The following CDH13 variants were observed in gnomAD, a reference collection of about 807,000 sequenced individuals.
The protein encoded by CDH13 is cadherin 13.
In CDH13, 24 loss-of-function variants were observed where a neutral mutation model predicts 63.8. That is an observed-to-expected ratio of 0.38 (90% CI 0.27 to 0.53). The LOEUF (loss-of-function observed/expected upper bound fraction) is 0.53, where lower values mean the gene tolerates loss of function less well. CDH13 is among the 20% of genes least tolerant of loss of function. The pLI is 0.85. For synonymous variants in CDH13, 503 were observed against 355.3 expected (o/e 1.42, Z -4.67); for missense variants, 1,049 against 903.1 (o/e 1.16, Z -2.07).
At chr16:83,568,799 C>T (rs1170809375) in intron 7 of CDH13, among the ~76,000 whole-genome samples, 1 of 152,144 alleles carries the variant, frequency 6.6e-6, no homozygotes, top group South Asian at 2.1e-4. Context: ...CAGAGCTCCT[C>T]GTGATCATCT....
intron 5 of CDH13, among the ~76,000 whole-genome samples, chr16:83,306,697 G>C (rs2089888047): frequency 6.6e-6 from 1 of 152,166 alleles, no homozygotes; most frequent in African/African-American, 2.4e-5. Context: ...ACTAGTGATA[G>C]GAGATTAGGC....
chr16:82,859,954 A>G (rs1030611720), intron 2 of CDH13, among the ~76,000 whole-genome samples: 22 of 152,184 alleles, frequency 1.4e-4, no homozygotes, highest in African/African-American at 4.8e-4. Context: ...GTGAATTCCA[A>G]TATGTGATTT....
chr16:83,495,588 C>G (rs1190878663), intron 7 of CDH13, among the ~76,000 whole-genome samples: 4 of 152,010 alleles, frequency 2.6e-5, no homozygotes. Context: ...TTTTTTCCCC[C>G]ATAAGAGACA....
Position 83,371,792 on chromosome 16 carries a change from A to T in CDH13, c.781+26786A>T, listed in dbSNP as rs576297378. Among the ~76,000 whole-genome samples the T allele has an allele frequency of 7.6e-4, 116 of 152,356 alleles. 1 individual carries two copies. The highest frequency in any genetic ancestry group is 1.1e-3 in the Non-Finnish European group (76 of 68,042). ...CAGAGTGGATAGTACCCCTGAATGG[A>T]CAGTGCTTCACGAGTCTTTTCTGGA... On this transcript the variant is annotated intron_variant, in intron 6 of 13. Coordinates refer to ENST00000567109, the MANE Select transcript of CDH13 (RefSeq NM_001257.5).
At chr16:82,751,090 C>T (rs192599223) in intron 1 of CDH13, among the ~76,000 whole-genome samples, 326 of 152,236 alleles carry the variant, frequency 2.1e-3, no homozygotes, top group Non-Finnish European at 3.4e-3. Context: ...CTATCCAGTT[C>T]CCTATTTAAT....
At chr16:83,378,698 T>G (rs2091501487) in intron 6 of CDH13, among the ~76,000 whole-genome samples, 1 of 152,178 alleles carries the variant, frequency 6.6e-6, no homozygotes, top group Non-Finnish European at 1.5e-5. Context: ...TGAGCCTTAG[T>G]TTCTTCCTCT....
chr16:82,830,663 C>G (rs2038494631), intron 1 of CDH13, among the ~76,000 whole-genome samples: 1 of 152,186 alleles, frequency 6.6e-6, no homozygotes, highest in African/African-American at 2.4e-5. Context: ...GTTTGACATG[C>G]CATGATGGCA....
At chr16:83,119,512 T>A (rs745744036) in intron 3 of CDH13, among the ~76,000 whole-genome samples, 3 of 152,192 alleles carry the variant, frequency 2.0e-5, no homozygotes, top group Non-Finnish European at 2.9e-5. Flanking sequence ...CAAGAGATCT[T>A]ATTACCTCCC....
At chr16:83,616,816 T>C (rs1909321984) in intron 8 of CDH13, among the ~76,000 whole-genome samples, 1 of 152,178 alleles carries the variant, frequency 6.6e-6, no homozygotes, top group Admixed American at 6.5e-5. Flanking sequence ...GATGCATACA[T>C]GGTTTCAAAC....
At chr16:83,062,961 C>T (rs1448303994) in intron 3 of CDH13, among the ~76,000 whole-genome samples, 1 of 109,522 alleles carries the variant, frequency 9.1e-6, no homozygotes, top group South Asian at 2.6e-4. Flanking sequence ...TGGTGGTTGG[C>T]ATTTTTTTTT....
intron 2 of CDH13, among the ~76,000 whole-genome samples, chr16:82,859,927 C>T (rs1237512064): frequency 6.6e-6 from 1 of 152,304 alleles, no homozygotes; most frequent in Admixed American, 6.5e-5. Flanking sequence ...TGACAAGGTG[C>T]AGGGCTGGCA....
At position 83,748,189 on chromosome 16, in the gene CDH13, C is replaced by A. The variant is rs368089344; in HGVS notation, c.1620C>A (p.Asp540Glu). ...CTGTTGACACCACAGCTGTGCTGGA[C>A]CGTGAGTCCCCATTTGTCGACAACA... ...NGTVDTTAVLDRESPFVDNSV... is the reference protein window; with the variant it reads ...NGTVDTTAVLERESPFVDNSV... Residue 540 changes from aspartate (D) to glutamate (E), a missense_variant, in exon 11 of 14, where the codon GAC becomes GAA. Physicochemically the swap from Asp to Glu is conservative, Grantham distance 45. Transcript: ENST00000567109. 2 of 1,613,818 alleles carry A rather than the reference C, an allele frequency of 1.2e-6. No homozygotes were observed. The highest frequency in any genetic ancestry group is 1.7e-6 in the Non-Finnish European group (2 of 1,179,734).
chr16:83,775,748 T>G (rs459212), intron 11 of CDH13, among the ~76,000 whole-genome samples: 130,558 of 152,016 alleles, frequency 0.86, 56,063 homozygotes, highest in Admixed American at 0.88. Context: ...AAGAAAGAAG[T>G]AAAAGAAAAG....
At chr16:83,131,396 C>T (rs1597388812) in intron 4 of CDH13, among the ~76,000 whole-genome samples, 1 of 152,176 alleles carries the variant, frequency 6.6e-6, no homozygotes, top group Non-Finnish European at 1.5e-5. Context: ...CATTTTTGAA[C>T]TCTAGACAGC....
intron 1 of CDH13, among the ~76,000 whole-genome samples, chr16:82,713,029 G>A (rs1384493297): frequency 6.9e-6 from 1 of 143,890 alleles, no homozygotes; most frequent in Admixed American, 7.4e-5. Context: ...CTTATGGAGT[G>A]AATAGAACCC....
intron 6 of CDH13, among the ~76,000 whole-genome samples, chr16:83,381,269 C>A (rs934008706): frequency 2.0e-5 from 3 of 152,064 alleles, no homozygotes; most frequent in African/African-American, 7.2e-5. Flanking sequence ...TAGCCTCCAC[C>A]AGTTCCTAAC....
At chr16:83,447,474 A>C (rs1000676141) in intron 6 of CDH13, among the ~76,000 whole-genome samples, 1 of 152,178 alleles carries the variant, frequency 6.6e-6, no homozygotes, top group Non-Finnish European at 1.5e-5. Context: ...GTGGATCAGG[A>C]CTGTGGAAAG....
At chr16:82,993,325 T>C (rs1007825788) in intron 2 of CDH13, among the ~76,000 whole-genome samples, 1 of 152,172 alleles carries the variant, frequency 6.6e-6, no homozygotes, top group Non-Finnish European at 1.5e-5. Flanking sequence ...CAGAGAACGT[T>C]CTACATCATA....
intron 2 of CDH13, among the ~76,000 whole-genome samples, chr16:82,917,265 C>T (rs182833419): frequency 6.6e-6 from 1 of 152,216 alleles, no homozygotes; most frequent in East Asian, 1.9e-4. Context: ...CCATGCTGAT[C>T]TCCATTGGGT....
Sources: gnomAD v4.1 joint callset for allele counts (sites outside exome capture counted in the v4.1 genomes callset) on GRCh38, gnomAD v4.1.1 for gene constraint, MANE v1.5 for transcripts, NCBI Gene and HGNC (gene_info 2026-07-23, HGNC 2026-07-21) for gene names.